Variants in BMPR1B observed in about 807,000 individuals in gnomAD.
BMPR1B encodes bone morphogenetic protein receptor type-1B.
BMPR1B carries 12 observed loss-of-function variants against 59.1 expected under a neutral mutation model. That is an observed-to-expected ratio of 0.20 (90% confidence interval 0.13 to 0.33). BMPR1B has a LOEUF of 0.33. Among genes scored for constraint, BMPR1B ranks in the 10% least tolerant of loss-of-function variants. The pLI is 1.00. For missense variants in BMPR1B, 550 were observed against 610.9 expected, an observed-to-expected ratio of 0.90 and a Z score of 1.05; for synonymous variants, 237 against 207.3, an observed-to-expected ratio of 1.14 and a Z score of -1.23.
intron 2 of BMPR1B, among the ~76,000 whole-genome samples, chr4:94,899,964 C>T (rs892971096): frequency 4.0e-5 from 6 of 151,854 alleles, no homozygotes; most frequent in Non-Finnish European, 7.4e-5. Context: ...GAATTACCAC[C>T]GTACAGTTCT....
chr4:94,919,468 T>A lies in BMPR1B; in HGVS notation c.-113+43568T>A, dbSNP rs1224961546. On this transcript the variant is annotated intron_variant, in intron 2 of 12. Transcript: ENST00000515059. ...TTGCTACTTGGAATACAATGTGATA[T>A]TTTCTACACTAGTAGTAAATTTTAA... Among the ~76,000 whole-genome samples, 8 of 152,224 alleles carry A rather than the reference T, an allele frequency of 5.3e-5. No individual in the cohort carries two copies. In the East Asian group the frequency reaches 1.5e-3, roughly 29 times the overall value.
intron 1 of BMPR1B, among the ~76,000 whole-genome samples, chr4:94,771,404 G>C (rs996785068): frequency 1.3e-5 from 2 of 152,134 alleles, no homozygotes; most frequent in Non-Finnish European, 2.9e-5. Context: ...AATCAGCCCT[G>C]GTGGTTCATG....
intron 1 of BMPR1B, among the ~76,000 whole-genome samples, chr4:94,873,978 A>G (rs1372079317): frequency 6.6e-6 from 1 of 151,910 alleles, no homozygotes; most frequent in Non-Finnish European, 1.5e-5. Flanking sequence ...TGTTTGTTTG[A>G]GCTTGAGTAC....
At chr4:94,887,319 A>G (rs1346821356) in intron 2 of BMPR1B, among the ~76,000 whole-genome samples, 1 of 151,268 alleles carries the variant, frequency 6.6e-6, no homozygotes, top group South Asian at 2.1e-4. Context: ...ATAAAAAATC[A>G]TACAAATCTA....
At chr4:95,102,614 G>A (rs941871178) in intron 3 of BMPR1B, among the ~76,000 whole-genome samples, 7 of 152,094 alleles carry the variant, frequency 4.6e-5, no homozygotes, top group Non-Finnish European at 7.4e-5. Context: ...TACCATGACA[G>A]GGTGAGATAT....
intron 3 of BMPR1B, among the ~76,000 whole-genome samples, chr4:95,043,067 C>G (rs1264335673): frequency 1.4e-5 from 2 of 147,446 alleles, no homozygotes; most frequent in Non-Finnish European, 3.0e-5. Flanking sequence ...CCCAGCTACT[C>G]GGGAGGCTGA....
chr4:95,100,792 C>A (rs547131935), intron 3 of BMPR1B, among the ~76,000 whole-genome samples: 2 of 152,214 alleles, frequency 1.3e-5, no homozygotes, highest in East Asian at 3.9e-4. Context: ...TTCATTTATG[C>A]AATTATATTT....
chr4:94,890,363 C>A (rs1019617828), intron 2 of BMPR1B, among the ~76,000 whole-genome samples: 1 of 152,054 alleles, frequency 6.6e-6, no homozygotes, highest in African/African-American at 2.4e-5. Context: ...ATGTAAAATT[C>A]TCTCTCTCTT....
chr4:95,060,422 A>G (rs533090768), intron 3 of BMPR1B, among the ~76,000 whole-genome samples: 1 of 152,196 alleles, frequency 6.6e-6, no homozygotes, highest in South Asian at 2.1e-4. Flanking sequence ...TATCAGCATG[A>G]TGTGTTGTTT....
intron 1 of BMPR1B, among the ~76,000 whole-genome samples, chr4:94,860,637 A>T (rs1459945626): frequency 6.6e-6 from 1 of 152,040 alleles, no homozygotes; most frequent in Admixed American, 6.6e-5. Flanking sequence ...TTAAACTTTT[A>T]TTTTTTAGTT....
intron 1 of BMPR1B, among the ~76,000 whole-genome samples, chr4:94,806,672 A>T (rs918873863): frequency 6.6e-6 from 1 of 152,190 alleles, no homozygotes; most frequent in Non-Finnish European, 1.5e-5. Context: ...TCAGTGCTTT[A>T]ATACTCCCTT....
chr4:95,109,215 C>T (rs1476944350), intron 4 of BMPR1B, among the ~76,000 whole-genome samples: 1 of 152,104 alleles, frequency 6.6e-6, no homozygotes, highest in Non-Finnish European at 1.5e-5. Context: ...TTATTGGTTT[C>T]TTACCAAGAA....
chr4:95,063,529 A>G (rs1727565458), intron 3 of BMPR1B, among the ~76,000 whole-genome samples: 1 of 152,196 alleles, frequency 6.6e-6, no homozygotes, highest in African/African-American at 2.4e-5. Flanking sequence ...TACATGGTAC[A>G]TTTTAGATTG....
intron 1 of BMPR1B, among the ~76,000 whole-genome samples, chr4:94,770,699 TC>T (rs1415586916): frequency 1.3e-5 from 2 of 152,074 alleles, no homozygotes; most frequent in Non-Finnish European, 2.9e-5. Flanking sequence ...CCAAAATAAT[TC>T]CTTTTTTCAC....
chr4:94,871,303 A>G (rs1188296119), intron 1 of BMPR1B, among the ~76,000 whole-genome samples: 2 of 152,158 alleles, frequency 1.3e-5, no homozygotes, highest in Non-Finnish European at 2.9e-5. Context: ...AAAGTAAGAT[A>G]TTAGTCTTGG....
At chr4:94,763,320 C>A (rs375428741) in intron 1 of BMPR1B, among the ~76,000 whole-genome samples, 2 of 152,194 alleles carry the variant, frequency 1.3e-5, no homozygotes, top group Non-Finnish European at 2.9e-5. Flanking sequence ...ATTGTTAGAT[C>A]GGGATGTTAC....
intron 2 of BMPR1B, among the ~76,000 whole-genome samples, chr4:94,904,750 A>C (rs1452489953): frequency 6.6e-6 from 1 of 151,920 alleles, no homozygotes; most frequent in Non-Finnish European, 1.5e-5. Flanking sequence ...TATGAAAAAG[A>C]TTGGTTTTGA....
intron 2 of BMPR1B, among the ~76,000 whole-genome samples, chr4:94,962,537 T>A (rs1408798677): frequency 1.3e-5 from 2 of 152,154 alleles, no homozygotes; most frequent in African/African-American, 4.8e-5. Flanking sequence ...CTCCATGAGA[T>A]CAGTTTTTTT....
chr4:95,099,654 T>C (rs1579076932), intron 3 of BMPR1B, among the ~76,000 whole-genome samples: 1 of 152,334 alleles, frequency 6.6e-6, no homozygotes, highest in South Asian at 2.1e-4. Context: ...TTTTACATAG[T>C]TGAAAGAGAT....
Sources: gnomAD v4.1 joint callset for allele counts (sites outside exome capture counted in the v4.1 genomes callset) on GRCh38, gnomAD v4.1.1 for gene constraint, MANE v1.5 for transcripts, NCBI Gene and HGNC (gene_info 2026-07-23, HGNC 2026-07-21) for gene names.